The following PAPLN variants were observed in gnomAD, a reference collection of about 807,000 sequenced individuals.
The protein encoded by PAPLN is papilin, proteoglycan like sulfated glycoprotein.
PAPLN carries 146 observed loss-of-function variants against 159.0 expected under a neutral mutation model. The ratio of observed to expected loss-of-function variants is 0.92; its 90% CI spans 0.80 to 1.05. The LOEUF (loss-of-function observed/expected upper bound fraction) is 1.05. PAPLN is among the 50% of genes least tolerant of loss of function. The pLI is 0.00. For synonymous variants in PAPLN, 734 were observed against 702.9 expected (o/e 1.04, Z -0.70); for missense variants, 1,720 against 1,743.9 (o/e 0.99, Z 0.24).
chr14:73,262,488 C>A lies in PAPLN; in HGVS notation c.2384C>A (p.Ala795Asp), dbSNP rs773893899. 6.3e-7 allele frequency: 1 copy of A among 1,599,012 alleles called. No individual in the cohort carries two copies. The highest frequency in any genetic ancestry group is 1.1e-5 in the South Asian group (1 of 89,414). Residue 795 changes from alanine to aspartate, a missense_variant, in exon 19 of 27, where the codon GCC (alanine) becomes GAC (aspartate). Transcript: ENST00000644200. ...GGCHGNANNF[A>D]SEQECMSSCQ... ...TGCCATGGCAATGCCAATAACTTTG[C>A]CTCGGAGCAAGAGTGCATGAGCAGC...
At chr14:73,240,897 G>A (rs964688699) in intron 2 of PAPLN, among the ~76,000 whole-genome samples, 2 of 152,164 alleles carry the variant, frequency 1.3e-5, no homozygotes, top group African/African-American at 4.8e-5. Context: ...TCCTGCCCCA[G>A]GAGAAATCTC....
In PAPLN at chr14:73,263,634, C is replaced by T. The variant is rs1440924751; in HGVS notation, c.2724-11C>T. ...ATGCCAGTCAGCAGATCTCACTTCC[C>T]ACCTCTCCAGGATTAGCTTGGCAGG... On this transcript the variant is annotated splice_polypyrimidine_tract_variant and intron_variant, in intron 19 of 26. Coordinates refer to ENST00000644200, the MANE Select transcript of PAPLN (RefSeq NM_001365906.3). The T allele has an allele frequency of 3.1e-6, 5 of 1,613,674 alleles. No homozygotes were observed. The highest frequency in any genetic ancestry group is 1.7e-5 in the Admixed American group (1 of 60,022).
chr14:73,261,459 G>A (rs1172422314), intron 18 of PAPLN, among the ~76,000 whole-genome samples, 165 bp downstream of exon 18: 1 of 152,240 alleles, frequency 6.6e-6, no homozygotes, highest in Non-Finnish European at 1.5e-5. Context: ...AGCAGTGCCA[G>A]AGTGTTCTCG....
chr14:73,247,514 CTGTGTATG>C (rs1566676145), intron 5 of PAPLN, among the ~76,000 whole-genome samples: 1 of 149,010 alleles, frequency 6.7e-6, no homozygotes, highest in Admixed American at 6.7e-5. Context: ...GTCTCATATC[CTGTGTATG>C]TGTGTGTGTG....
intron 5 of PAPLN, among the ~76,000 whole-genome samples, chr14:73,247,085 G>C (rs753340007): frequency 6.6e-6 from 1 of 152,132 alleles, no homozygotes; most frequent in Non-Finnish European, 1.5e-5. Context: ...TATGGGAAGC[G>C]TTCCTCCCGT....
At chr14:73,242,403 G>T (rs1883663376) in intron 2 of PAPLN, among the ~76,000 whole-genome samples, 1 of 152,228 alleles carries the variant, frequency 6.6e-6, no homozygotes, top group Non-Finnish European at 1.5e-5. Flanking sequence ...TGGCTGCTGT[G>T]CCAAGGAGCC....
At chr14:73,238,226 C>T (rs1232202952) in intron 1 of PAPLN, among the ~76,000 whole-genome samples, 1 of 152,240 alleles carries the variant, frequency 6.6e-6, no homozygotes, top group Non-Finnish European at 1.5e-5. Context: ...CCTTCCCGCC[C>T]TCTGGCGCCT....
intron 18 of PAPLN, chr14:73,262,094 T>C: frequency 2.3e-6 from 1 of 441,288 alleles, no homozygotes; most frequent in Non-Finnish European, 4.0e-6. Context: ...CAGGGAGCCC[T>C]GGCCCTGACC....
At chr14:73,268,803 T>C in intron 26 of PAPLN, 80 bp downstream of exon 26, 1 of 1,438,146 alleles carries the variant, frequency 7.0e-7, no homozygotes, top group Non-Finnish European at 9.2e-7. Flanking sequence ...CTCTGCAGTC[T>C]GAGGGACTCT....
At chr14:73,263,337 C>T (rs1886793971) in intron 19 of PAPLN, 4 of 507,214 alleles carry the variant, frequency 7.9e-6, no homozygotes, top group Admixed American at 3.3e-5. Flanking sequence ...GTAGTTTAGC[C>T]CCCACATGAA....
intron 2 of PAPLN, among the ~76,000 whole-genome samples, chr14:73,241,021 G>C (rs1294733685): frequency 6.6e-6 from 1 of 152,082 alleles, no homozygotes; most frequent in Non-Finnish European, 1.5e-5. Flanking sequence ...GTCGGGGGGG[G>C]GATGCCACGT....
chr14:73,255,746 C>T (rs1885835759), intron 14 of PAPLN, among the ~76,000 whole-genome samples: 1 of 152,148 alleles, frequency 6.6e-6, no homozygotes, highest in African/African-American at 2.4e-5. Flanking sequence ...ACTCTATGAG[C>T]TGTAGGGACC....
In PAPLN at chr14:73,265,532, C is replaced by T; in HGVS notation, c.3263+25C>T. 1 of 1,609,408 alleles carries T rather than the reference C, an allele frequency of 6.2e-7. No individual in the cohort carries two copies. The highest frequency in any genetic ancestry group is 1.1e-5 in the South Asian group (1 of 90,432). On this transcript the variant is annotated intron_variant, in intron 23 of 26. Transcript: ENST00000644200. The surrounding 1 kb of genome is among the most constrained non-coding windows in gnomAD (Gnocchi z 4.1). ...GGTTTATTTGACTCCTCTCCCCTTC[C>T]TCCTATTCTGCCTCCAGCCCCACCT...
rs560889640 is a variant in PAPLN at position 73,237,842 on chromosome 14, C to G, written c.-7+250C>G. Among the ~76,000 whole-genome samples, 713 of 152,236 alleles carry G rather than the reference C, an allele frequency of 4.7e-3. 8 individuals are homozygous for G. The highest frequency in any genetic ancestry group is 3.8e-3 in the Non-Finnish European group (261 of 67,978). On this transcript the variant is annotated intron_variant, in intron 1 of 26. Coordinates refer to ENST00000644200, the MANE Select transcript of PAPLN (RefSeq NM_001365906.3). The stretch of plus-strand genomic sequence containing the variant: ...CCGGGGAGCTGGTGCGGGACGGCCC[C>G]GGCGCGCACCCTCCGCCCGCTCGGA...
rs953256050 is a variant in PAPLN at position 73,263,576 on chromosome 14, A to G, written c.2724-69A>G. The G allele has an allele frequency of 3.7e-6, 6 of 1,600,314 alleles. No individual in the cohort carries two copies. The East Asian group carries it at 1.1e-4, about 30-fold the overall frequency. The stretch of plus-strand genomic sequence containing the variant: ...GGCCCCAAGCTGTCTGTCATGGAAC[A>G]CACTGCTTAGGGTGGTTCTGGTCCT... On this transcript the variant is annotated intron_variant, in intron 19 of 26. Transcript: ENST00000644200.
At chr14:73,263,888 A>T (rs569770004) in intron 20 of PAPLN, 106 bp downstream of exon 20, 12 of 911,890 alleles carry the variant, frequency 1.3e-5, no homozygotes, top group Non-Finnish European at 1.6e-5. Context: ...GGTGTGACAG[A>T]CCCCCTCCTC....
intron 3 of PAPLN, chr14:73,244,985 G>T: frequency 2.3e-6 from 1 of 436,646 alleles, no homozygotes; most frequent in Non-Finnish European, 4.1e-6. Flanking sequence ...TGTTGCCCCT[G>T]GTCTCCAGCT....
chr14:73,272,449 A>G, intron 26 of PAPLN, 46 bp from the exon 27 acceptor site: 1 of 1,447,298 alleles, frequency 6.9e-7, no homozygotes, highest in Non-Finnish European at 9.2e-7. Flanking sequence ...TTTTCAGCAT[A>G]CACAGAGCTT....
rs541640505 is a variant in PAPLN at position 73,241,013 on chromosome 14, C to CGG, written c.54+1189_54+1190dup. Among the ~76,000 whole-genome samples, 318 of 146,236 alleles carry CGG rather than the reference C, an allele frequency of 2.2e-3. 1 individual carries two copies. Among genetic ancestry groups the CGG allele is most frequent in the African/African-American group, 7.5e-3 (302 of 40,208 alleles). On this transcript the variant is annotated intron_variant, in intron 2 of 26. Transcript: ENST00000644200. Reference sequence around the variant, plus strand: ...AAACTGTTTTCTGCCATGGGGAGGTCGGGGGGGGGATGCCACGTCTGGCAT... The same window carrying CGG: ...AAACTGTTTTCTGCCATGGGGAGGTCGGGGGGGGGGGATGCCACGTCTGGCAT...
Sources: gnomAD v4.1 joint callset for allele counts (sites outside exome capture counted in the v4.1 genomes callset) on GRCh38, gnomAD v4.1.1 for gene constraint, Gnocchi (gnomAD v3.1) non-coding constraint, MANE v1.5 for transcripts, NCBI Gene and HGNC (gene_info 2026-07-23, HGNC 2026-07-21) for gene names.